DPP6: variants seen among roughly 807,000 people sequenced by gnomAD.
DPP6 encodes the protein dipeptidyl peptidase like 6, also known as A-type potassium channel modulatory protein DPP6.
Under a neutral mutation model 122.6 loss-of-function variants are expected in DPP6, and 69 were observed. The ratio of observed to expected loss-of-function variants is 0.56; its 90% CI spans 0.46 to 0.69. DPP6 has a LOEUF of 0.69. Ranked by LOEUF, DPP6 falls within the 30% of genes least tolerant of loss-of-function variation. The pLI, the probability that DPP6 is intolerant of heterozygous loss-of-function variation, is 0.00. For missense variants in DPP6, 928 were observed against 1,116.9 expected (o/e 0.83, Z 2.41); for synonymous variants, 418 against 433.1 (o/e 0.97, Z 0.43).
intron 3 of DPP6, among the ~76,000 whole-genome samples, chr7:154,515,496 C>A (rs1826415617): frequency 6.6e-6 from 1 of 151,336 alleles, no homozygotes; most frequent in Admixed American, 6.6e-5. Flanking sequence ...ACTTTTTTCC[C>A]TTCCCCTTCC....
chr7:154,696,338 A>G (rs2131243682), intron 7 of DPP6, among the ~76,000 whole-genome samples: 2 of 152,268 alleles, frequency 1.3e-5, no homozygotes, highest in Middle Eastern at 6.8e-3. Flanking sequence ...GTTACACGGG[A>G]CCCAGTGACA....
At chr7:154,193,544 G>T (rs1389872422) in intron 1 of DPP6, among the ~76,000 whole-genome samples, 1 of 152,156 alleles carries the variant, frequency 6.6e-6, no homozygotes, top group Non-Finnish European at 1.5e-5. Flanking sequence ...AGACTGGGAG[G>T]CTGAGTCTCA....
rs1361552781 is a variant in DPP6, at chr7:154,320,493, G to T, written c.244-125721G>T. ...GTACTTTGTTTTTTTTTTTGTTGTT[G>T]TTTTTCTTGAGACAGAATTTTCCTC... On this transcript the variant is annotated intron_variant, in intron 1 of 25. Transcript: ENST00000377770. 8.8e-3 allele frequency among the ~76,000 whole-genome samples: 1,330 copies of T among 151,160 alleles called. 28 individuals carry two copies. Among genetic ancestry groups the T allele is most frequent in the East Asian group, 0.067 (343 of 5,144 alleles).
chr7:154,818,864 A>G (rs73502123), intron 16 of DPP6, among the ~76,000 whole-genome samples: 2,058 of 152,310 alleles, frequency 0.014, 50 homozygotes, highest in African/African-American at 0.047. Flanking sequence ...GGCAGGTTAT[A>G]TTGTTAATGT....
At chr7:154,678,241 T>G (rs1839045539) in intron 7 of DPP6, among the ~76,000 whole-genome samples, 1 of 152,242 alleles carries the variant, frequency 6.6e-6, no homozygotes, top group African/African-American at 2.4e-5. Flanking sequence ...GCCCAACAGC[T>G]GCAACCCGCA....
chr7:153,914,852 G>A (rs1200378994), intron 1 of DPP6, among the ~76,000 whole-genome samples: 2 of 152,176 alleles, frequency 1.3e-5, no homozygotes, highest in African/African-American at 4.8e-5. Flanking sequence ...TGTTAAACTA[G>A]TGTTAGATGA....
At chr7:154,098,007 CCA>C (rs146777337) in intron 1 of DPP6, among the ~76,000 whole-genome samples, 6,691 of 151,798 alleles carry the variant, frequency 0.044, no homozygotes, top group East Asian at 0.22. Flanking sequence ...AAAATCCAGC[CCA>C]GACACAAGAC....
chr7:154,094,673 C>T (rs2150557870), intron 1 of DPP6: 1 of 152,206 alleles, frequency 6.6e-6, no homozygotes, highest in East Asian at 1.9e-4. Flanking sequence ...CAGCACTGTC[C>T]CCATATGGGT....
chr7:154,348,397 C>T (rs1234659710), intron 1 of DPP6, among the ~76,000 whole-genome samples: 1 of 152,170 alleles, frequency 6.6e-6, no homozygotes, highest in Non-Finnish European at 1.5e-5. Flanking sequence ...AAATGAAAGT[C>T]TTAATTAAAT....
chr7:153,772,894 A>G, the DPP6 span, among the ~76,000 whole-genome samples: 3 of 146,964 alleles, frequency 2.0e-5, no homozygotes, highest in South Asian at 6.3e-4. Context: ...ATCATAGAAA[A>G]GACTTTTATA....
chr7:154,387,680 C>T (rs2151157761), intron 1 of DPP6, among the ~76,000 whole-genome samples: 1 of 152,308 alleles, frequency 6.6e-6, no homozygotes, highest in South Asian at 2.1e-4. Flanking sequence ...CAGTCCTCTA[C>T]AGCCTCCCCC....
chr7:153,855,593 A>G, the DPP6 span, among the ~76,000 whole-genome samples: 9 of 152,136 alleles, frequency 5.9e-5, no homozygotes, highest in Non-Finnish European at 8.8e-5. Context: ...TAGCTTAGTG[A>G]TCAGCTGATG....
chr7:153,935,063 G>C (rs370380570), intron 1 of DPP6, among the ~76,000 whole-genome samples: 3 of 152,218 alleles, frequency 2.0e-5, no homozygotes, highest in Middle Eastern at 3.2e-3. Context: ...CAGGGATGGC[G>C]AATGTCCTGA....
intron 1 of DPP6, among the ~76,000 whole-genome samples, chr7:154,358,772 C>T (rs1263643031): frequency 6.6e-6 from 1 of 152,210 alleles, no homozygotes; most frequent in Non-Finnish European, 1.5e-5. Flanking sequence ...ATGACGTGAT[C>T]TCAGCTCACT....
chr7:154,772,523 A>G (rs988779644), intron 9 of DPP6, among the ~76,000 whole-genome samples: 13 of 152,042 alleles, frequency 8.6e-5, no homozygotes, highest in African/African-American at 3.1e-4. Context: ...CATCCAATCC[A>G]TCTTTTCTCC....
intron 1 of DPP6, among the ~76,000 whole-genome samples, chr7:154,171,784 C>T (rs1348289942): frequency 6.7e-6 from 1 of 148,282 alleles, no homozygotes; most frequent in East Asian, 2.0e-4. Flanking sequence ...CTCACAAAAC[C>T]TGTGACAACT....
At chr7:154,257,000 T>TTTTTC (rs1554502558) in intron 1 of DPP6, among the ~76,000 whole-genome samples, 21 of 133,888 alleles carry the variant, frequency 1.6e-4, no homozygotes, top group Non-Finnish European at 3.3e-5. Flanking sequence ...TTCTTCTTCT[T>TTTTTC]TTTTTTTTTT....
intron 1 of DPP6, among the ~76,000 whole-genome samples, chr7:154,024,855 T>C (rs1177304337): frequency 6.6e-6 from 1 of 152,224 alleles, no homozygotes; most frequent in Non-Finnish European, 1.5e-5. Flanking sequence ...ACCAGGCTGA[T>C]ATTTTGTAAA....
At chr7:153,809,290 G>A in the DPP6 span, among the ~76,000 whole-genome samples, 1 of 151,898 alleles carries the variant, frequency 6.6e-6, no homozygotes, top group Non-Finnish European at 1.5e-5. Context: ...TCTTCTCTTT[G>A]GATATTAATT....
Sources: gnomAD v4.1 joint callset for allele counts (sites outside exome capture counted in the v4.1 genomes callset) on GRCh38, gnomAD v4.1.1 for gene constraint, MANE v1.5 for transcripts, NCBI Gene and HGNC (gene_info 2026-07-23, HGNC 2026-07-21) for gene names.